The following PPARGC1A variants were observed in gnomAD, a reference collection of about 807,000 sequenced individuals.
The protein encoded by PPARGC1A is peroxisome proliferator-activated receptor gamma coactivator 1-alpha.
PPARGC1A carries 25 observed loss-of-function variants against 88.7 expected under a neutral mutation model. The observed-to-expected ratio is 0.28, with a 90% CI of 0.21 to 0.39. The LOEUF is 0.39. PPARGC1A is among the 10% of genes least tolerant of loss of function. The pLI, the probability that PPARGC1A is intolerant of heterozygous loss-of-function variation, is 1.00. For missense variants in PPARGC1A, 880 were observed against 968.7 expected, an observed-to-expected ratio of 0.91 and a Z score of 1.22; for synonymous variants, 363 against 355.6, an observed-to-expected ratio of 1.02 and a Z score of -0.24.
the PPARGC1A span, among the ~76,000 whole-genome samples, chr4:24,032,198 A>G: frequency 3.9e-5 from 6 of 152,190 alleles, no homozygotes; most frequent in Non-Finnish European, 8.8e-5. Context: ...ACCTTTTTGC[A>G]TTTTCTCATA....
chr4:24,425,487 G>A, the PPARGC1A span, among the ~76,000 whole-genome samples: 1 of 152,218 alleles, frequency 6.6e-6, no homozygotes, highest in African/African-American at 2.4e-5. Context: ...CTCTACTTTA[G>A]ACAAGTATAA....
At chr4:24,312,392 ATT>A in the PPARGC1A span, among the ~76,000 whole-genome samples, 56 of 149,742 alleles carry the variant, frequency 3.7e-4, no homozygotes, top group Middle Eastern at 3.5e-3. Flanking sequence ...ATTTTTTCCT[ATT>A]TTTTTTTTTA....
chr4:24,443,280 A>C, the PPARGC1A span, among the ~76,000 whole-genome samples: 1 of 149,152 alleles, frequency 6.7e-6, no homozygotes, highest in Non-Finnish European at 1.5e-5. Flanking sequence ...TAAATAATAT[A>C]CCACAAACTT....
chr4:24,470,096 C>T, the PPARGC1A span, among the ~76,000 whole-genome samples: 1 of 152,112 alleles, frequency 6.6e-6, no homozygotes, highest in Admixed American at 6.5e-5. The surrounding 1 kb of genome is among the most constrained non-coding windows in gnomAD (Gnocchi z 5.8). Context: ...GGGTGCAGGT[C>T]GGAGGCACGC....
At chr4:24,009,364 G>C in the PPARGC1A span, among the ~76,000 whole-genome samples, 2 of 152,048 alleles carry the variant, frequency 1.3e-5, no homozygotes, top group Non-Finnish European at 2.9e-5. Context: ...CTGAAAATAG[G>C]GTCTGATTTT....
the PPARGC1A span, among the ~76,000 whole-genome samples, chr4:24,011,705 A>G: frequency 3.3e-5 from 5 of 152,198 alleles, no homozygotes; most frequent in Non-Finnish European, 5.9e-5. Context: ...CCCGCAGGAA[A>G]ATGGTGGAAA....
At chr4:23,931,089 A>G in the PPARGC1A span, among the ~76,000 whole-genome samples, 151,761 of 152,288 alleles carry the variant, frequency 1, 75,619 homozygotes, top group Middle Eastern at 1. Context: ...ACAGGGAGTC[A>G]CCTGCTCACC....
At chr4:24,124,593 A>C in the PPARGC1A span, among the ~76,000 whole-genome samples, 55 of 152,302 alleles carry the variant, frequency 3.6e-4, no homozygotes, top group African/African-American at 1.3e-3. Context: ...TCTGGAAAGC[A>C]GGGGAGAGGG....
the PPARGC1A span, among the ~76,000 whole-genome samples, chr4:24,303,949 G>T: frequency 6.6e-6 from 1 of 152,154 alleles, no homozygotes; most frequent in Non-Finnish European, 1.5e-5. Flanking sequence ...TTTCTGCCAT[G>T]GGGTTAGTCC....
chr4:24,302,604 G>T, the PPARGC1A span, among the ~76,000 whole-genome samples: 19 of 152,304 alleles, frequency 1.2e-4, no homozygotes, highest in African/African-American at 4.6e-4. Context: ...GGCCTTTCAG[G>T]CCCTCGTTTA....
At chr4:24,049,308 G>GTATATATATA in the PPARGC1A span, among the ~76,000 whole-genome samples, 2,687 of 139,514 alleles carry the variant, frequency 0.019, 35 homozygotes, top group African/African-American at 0.044. Flanking sequence ...ATATATGTGT[G>GTATATATATA]TATATATATA....
In PPARGC1A at chr4:23,814,619, TAAAAAAAA is replaced by T. The variant is rs11290186; in HGVS notation, c.878-22_878-15del. 1.4e-5 allele frequency: 16 copies of T among 1,181,254 alleles called. No individual in the cohort carries two copies. In the Admixed American group the frequency reaches 4.2e-4, roughly 31 times the overall value. 73.2% of individuals were successfully genotyped at this position (1,181,254 alleles called of 1,614,324 possible). A position where few individuals can be genotyped will look rare whatever the true frequency, so the allele number is the denominator to read the frequency against. ...GTGGAGTTAGGCCTAAGGCAAAAAT[TAAAAAAAA>T]AAAAAAAAAGAGAGAGAAAGAAAAG... On this transcript the variant is annotated splice_polypyrimidine_tract_variant and intron_variant, in intron 7 of 12. Coordinates refer to ENST00000264867, the MANE Select transcript of PPARGC1A (RefSeq NM_013261.5).
chr4:24,444,298 G>T, the PPARGC1A span, among the ~76,000 whole-genome samples: 18 of 152,114 alleles, frequency 1.2e-4, no homozygotes, highest in Non-Finnish European at 8.8e-5. Context: ...CTTCCAAAGT[G>T]CTGGGATTAC....
the PPARGC1A span, among the ~76,000 whole-genome samples, chr4:24,207,170 G>T: frequency 6.6e-6 from 1 of 152,054 alleles, no homozygotes; most frequent in Admixed American, 6.6e-5. Flanking sequence ...GGGAGATCCT[G>T]TTCACTCATT....
chr4:24,064,365 GC>G, the PPARGC1A span, among the ~76,000 whole-genome samples: 1 of 152,060 alleles, frequency 6.6e-6, no homozygotes. Flanking sequence ...GACCAGTGGG[GC>G]CCACTGGATA....
chr4:24,398,255 T>TA, the PPARGC1A span, among the ~76,000 whole-genome samples: 4 of 152,188 alleles, frequency 2.6e-5, no homozygotes, highest in East Asian at 7.7e-4. Context: ...AGCAGATCTA[T>TA]AAAATACACA....
chr4:24,086,075 A>G, the PPARGC1A span, among the ~76,000 whole-genome samples: 1 of 152,214 alleles, frequency 6.6e-6, no homozygotes, highest in South Asian at 2.1e-4. Context: ...TCCTGAAATT[A>G]TTACCTTCTC....
At chr4:23,925,881 T>C in the PPARGC1A span, among the ~76,000 whole-genome samples, 1 of 152,144 alleles carries the variant, frequency 6.6e-6, no homozygotes, top group Non-Finnish European at 1.5e-5. Context: ...GGAAGAAACT[T>C]CTAGTCAAGG....
At chr4:24,328,760 G>A in the PPARGC1A span, among the ~76,000 whole-genome samples, 1 of 152,294 alleles carries the variant, frequency 6.6e-6, no homozygotes. Flanking sequence ...CATGAATGGA[G>A]TTTGCTTTAA....
Sources: gnomAD v4.1 joint callset for allele counts (sites outside exome capture counted in the v4.1 genomes callset) on GRCh38, gnomAD v4.1.1 for gene constraint, Gnocchi (gnomAD v3.1) non-coding constraint, MANE v1.5 for transcripts, NCBI Gene and HGNC (gene_info 2026-07-23, HGNC 2026-07-21) for gene names.